Variants in ASCC2 observed in about 807,000 individuals in gnomAD.
ASCC2 encodes the protein ASC-1 complex subunit P100.
A neutral mutation model predicts 93.5 loss-of-function variants in ASCC2; 42 were observed. The observed-to-expected ratio is 0.45, with a 90% CI of 0.35 to 0.58. The LOEUF is 0.58. Ranked by LOEUF, ASCC2 falls within the 20% of genes least tolerant of loss-of-function variation. ASCC2 has a pLI of 0.00. For missense variants in ASCC2, 859 were observed against 977.6 expected (o/e 0.88, Z 1.62); for synonymous variants, 364 against 384.2 (o/e 0.95, Z 0.62).
intron 5 of ASCC2, among the ~76,000 whole-genome samples, chr22:29,820,124 CA>C (rs552123150): frequency 4.5e-4 from 69 of 151,810 alleles, no homozygotes; most frequent in Non-Finnish European, 8.4e-4. Flanking sequence ...AATGAGAAAC[CA>C]GAGATTATTT....
At chr22:29,836,976 A>G (rs2063875805) in intron 1 of ASCC2, among the ~76,000 whole-genome samples, 1 of 152,254 alleles carries the variant, frequency 6.6e-6, no homozygotes. Flanking sequence ...AAAGACAGAT[A>G]CTTTTCCAAT....
chr22:29,789,206 C>G (rs941776547), intron 19 of ASCC2, 22 bp from the exon 20 acceptor site: 1 of 1,613,716 alleles, frequency 6.2e-7, no homozygotes, highest in Admixed American at 1.7e-5. Flanking sequence ...ACAACCCACC[C>G]CACGAGAACC....
chr22:29,827,048 A>C (rs1264060450), intron 2 of ASCC2, among the ~76,000 whole-genome samples: 2 of 146,652 alleles, frequency 1.4e-5, no homozygotes, highest in Non-Finnish European at 3.0e-5. Context: ...CAGTGAACCG[A>C]GATCACGCCA....
At chr22:29,806,059 G>C (rs986155979) in intron 12 of ASCC2, among the ~76,000 whole-genome samples, 157 bp downstream of exon 12, 1 of 152,028 alleles carries the variant, frequency 6.6e-6, no homozygotes, top group African/African-American at 2.4e-5. Context: ...CTCTAGAAAA[G>C]GCAAGGCTGG....
At chr22:29,814,108 T>C (rs977074658) in intron 7 of ASCC2, among the ~76,000 whole-genome samples, 1 of 152,204 alleles carries the variant, frequency 6.6e-6, no homozygotes, top group Admixed American at 6.5e-5. Context: ...CCTTCTGAAA[T>C]GAGATCACCA....
rs1306588236 is a variant in ASCC2, at chr22:29,832,293, G to A, written c.33C>T (p.Ile11=). Residue 11 remains isoleucine (I), a synonymous_variant, in exon 2 of 20, where the codon ATC becomes ATT. Transcript: ENST00000307790. The stretch of plus-strand genomic sequence containing the variant: ...TTCCTGTCTTCGGGTCCTTGTGGGT[G>A]ATCTGGAGTTGGTCCAGGGGCAGAG... MPALPLDQLQ[I]THKDPKTGKL... is the part of the protein sequence containing the mutation. 1.2e-6 allele frequency: 2 copies of A among 1,613,982 alleles called. No individual in the cohort carries two copies. The highest frequency in any genetic ancestry group is 2.2e-5 in the East Asian group (1 of 44,886).
In ASCC2 at chr22:29,822,654, A is replaced by G. The variant is rs548308249; in HGVS notation, c.412-190T>C. 3.5e-4 allele frequency among the ~76,000 whole-genome samples: 42 copies of G among 121,438 alleles called. 1 individual carries two copies. Among genetic ancestry groups the G allele is most frequent in the Non-Finnish European group, 4.3e-4 (25 of 57,938 alleles). 79.7% of individuals were successfully genotyped at this position (121,438 alleles called of 152,430 possible). On this transcript the variant is annotated intron_variant, in intron 4 of 19. Coordinates refer to ENST00000307790, the MANE Select transcript of ASCC2 (RefSeq NM_032204.5). The stretch of plus-strand genomic sequence containing the variant: ...TTTTTTTTTAAATGTTAATCTATCT[A>G]TGTTTTTGTGTCTCTAGACTAAACA...
chr22:29,823,669 G>T (rs1439641638), intron 4 of ASCC2, among the ~76,000 whole-genome samples: 1 of 152,112 alleles, frequency 6.6e-6, no homozygotes, highest in Non-Finnish European at 1.5e-5. Flanking sequence ...CCAACATGGT[G>T]AAACCCCATT....
At chr22:29,818,525 C>A (rs983264428) in intron 5 of ASCC2, among the ~76,000 whole-genome samples, 1 of 151,498 alleles carries the variant, frequency 6.6e-6, no homozygotes, top group African/African-American at 2.4e-5. Flanking sequence ...TGTGCTGACT[C>A]CCCTCTAGGA....
chr22:29,822,558 A>T, intron 4 of ASCC2, 94 bp from the exon 5 acceptor site: 1 of 1,459,642 alleles, frequency 6.9e-7, no homozygotes, highest in Non-Finnish European at 9.4e-7. Context: ...TGGTTCCATC[A>T]AATGGGGACT....
intron 14 of ASCC2, 86 bp from the exon 15 acceptor site, chr22:29,801,196 C>T: frequency 1.3e-5 from 19 of 1,467,778 alleles, no homozygotes; most frequent in Non-Finnish European, 1.6e-5. Flanking sequence ...GTATTAAATC[C>T]ATCGGATTTT....
intron 8 of ASCC2, among the ~76,000 whole-genome samples, chr22:29,810,795 A>G (rs1293469829): frequency 6.6e-6 from 1 of 151,820 alleles, no homozygotes; most frequent in African/African-American, 2.4e-5. Context: ...CAGTGGTGCA[A>G]TCCCTGCTCA....
At chr22:29,834,472 T>G (rs997689440) in intron 1 of ASCC2, 11 of 470,350 alleles carry the variant, frequency 2.3e-5, no homozygotes, top group Admixed American at 9.4e-5. Flanking sequence ...AGGACCAGTC[T>G]GCCTAGTCCT....
At chr22:29,810,652 C>T (rs913653828) in intron 8 of ASCC2, among the ~76,000 whole-genome samples, 6 of 152,152 alleles carry the variant, frequency 3.9e-5, no homozygotes, top group Admixed American at 1.3e-4. Flanking sequence ...ACCATCTGTC[C>T]TTGCTAGTCT....
Position 29,788,862 on chromosome 22 carries a change from A to G in ASCC2, c.*151T>C. ...AGGAAGGCGCTCATGGCTGGCTGGTAGATGAGAGGCGGCCTTCTCAGGGGC... is the reference window on the plus strand; with the variant it reads ...AGGAAGGCGCTCATGGCTGGCTGGTGGATGAGAGGCGGCCTTCTCAGGGGC... On this transcript the variant is annotated 3_prime_UTR_variant, in exon 20 of 20. Transcript: ENST00000307790. 1.1e-6 allele frequency: 1 copy of G among 887,746 alleles called. No homozygotes were observed. Among genetic ancestry groups the G allele is most frequent in the Non-Finnish European group, 1.7e-6 (1 of 572,600 alleles). 55.0% of individuals were successfully genotyped at this position (887,746 alleles called of 1,614,324 possible).
At chr22:29,833,457 G>A (rs1002948961) in intron 1 of ASCC2, 19 of 379,994 alleles carry the variant, frequency 5.0e-5, no homozygotes, top group African/African-American at 1.7e-4. Flanking sequence ...GAAGAAGGAC[G>A]TGGAAAAAGA....
intron 2 of ASCC2, among the ~76,000 whole-genome samples, chr22:29,829,364 G>T (rs2062832680): frequency 1.3e-5 from 2 of 152,302 alleles, no homozygotes; most frequent in South Asian, 4.1e-4. Flanking sequence ...AGCATTCCGA[G>T]TCTATAGAAC....
intron 8 of ASCC2, among the ~76,000 whole-genome samples, chr22:29,810,824 G>A (rs1308490224): frequency 4.6e-5 from 7 of 151,756 alleles, no homozygotes; most frequent in East Asian, 3.9e-4. Flanking sequence ...TCCGCCTCCC[G>A]GTTTCAAGCA....
intron 1 of ASCC2, among the ~76,000 whole-genome samples, chr22:29,837,407 T>C (rs1250457080): frequency 6.6e-6 from 1 of 151,914 alleles, no homozygotes; most frequent in Non-Finnish European, 1.5e-5. Flanking sequence ...CACTCCAGCC[T>C]GGGCGACAGA....
Sources: gnomAD v4.1 joint callset for allele counts (sites outside exome capture counted in the v4.1 genomes callset) on GRCh38, gnomAD v4.1.1 for gene constraint, MANE v1.5 for transcripts, NCBI Gene and HGNC (gene_info 2026-07-23, HGNC 2026-07-21) for gene names.